Variants in UBR1 observed in about 807,000 individuals in gnomAD.
The protein encoded by UBR1 is ubiquitin protein ligase E3 component n-recognin 1, also known as E3 ubiquitin-protein ligase UBR1.
A neutral mutation model predicts 242.1 loss-of-function variants in UBR1; 102 were observed. That is an observed-to-expected ratio of 0.42 (90% CI 0.36 to 0.50). UBR1 has a LOEUF of 0.50. Ranked by LOEUF, UBR1 falls within the 20% of genes least tolerant of loss-of-function variation. The pLI is 0.01. For synonymous variants in UBR1, 675 were observed against 684.8 expected (o/e 0.99, Z 0.22); for missense variants, 1,772 against 2,101.8 (o/e 0.84, Z 3.07).
Position 42,963,931 on chromosome 15 carries a change from G to C in UBR1, c.4700+4C>G. ...CCAACAACAATATTTTATCCCCATAGTACCTCTGGAGCAAGGGCCTTACAG... is the reference window on the plus strand; with the variant it reads ...CCAACAACAATATTTTATCCCCATACTACCTCTGGAGCAAGGGCCTTACAG... On this transcript the variant is annotated splice_donor_region_variant and intron_variant, in intron 42 of 46. Transcript: ENST00000290650. 1.9e-6 allele frequency: 3 copies of C among 1,597,326 alleles called. No individual in the cohort carries two copies. The highest frequency in any genetic ancestry group is 2.6e-6 in the Non-Finnish European group (3 of 1,165,030).
chr15:43,068,365 T>C (rs1332137117), intron 5 of UBR1, among the ~76,000 whole-genome samples: 1 of 151,750 alleles, frequency 6.6e-6, no homozygotes, highest in African/African-American at 2.4e-5. Context: ...AATTTTTGTA[T>C]TTTTTGTAGA....
chr15:42,972,223 C>T (rs1444733426), intron 39 of UBR1, among the ~76,000 whole-genome samples: 1 of 152,204 alleles, frequency 6.6e-6, no homozygotes, highest in Admixed American at 6.5e-5. Flanking sequence ...AATCCTTTCA[C>T]TGACCCTATA....
intron 40 of UBR1, among the ~76,000 whole-genome samples, chr15:42,970,074 C>T (rs538359711): frequency 9.2e-5 from 14 of 152,260 alleles, no homozygotes; most frequent in South Asian, 8.3e-4. Flanking sequence ...GGAGGTATCA[C>T]GCTACCTGAC....
intron 1 of UBR1, among the ~76,000 whole-genome samples, chr15:43,091,092 C>T (rs539629548): frequency 1.3e-5 from 2 of 152,256 alleles, no homozygotes; most frequent in Non-Finnish European, 2.9e-5. Flanking sequence ...GAACGTGCCA[C>T]CACGCCTGGC....
intron 5 of UBR1, among the ~76,000 whole-genome samples, chr15:43,069,607 C>T (rs2033799042): frequency 6.6e-6 from 1 of 152,192 alleles, no homozygotes; most frequent in African/African-American, 2.4e-5. Context: ...ATGTAATATA[C>T]TTTTACAATA....
intron 33 of UBR1, among the ~76,000 whole-genome samples, chr15:42,991,747 T>C (rs536721578): frequency 2.0e-5 from 3 of 151,966 alleles, no homozygotes; most frequent in South Asian, 2.1e-4. Context: ...GTCTAGTATA[T>C]GTATTTTTGA....
At chr15:42,958,626 TA>T (rs1401627147) in intron 43 of UBR1, among the ~76,000 whole-genome samples, 2 of 152,130 alleles carry the variant, frequency 1.3e-5, no homozygotes, top group African/African-American at 4.8e-5. Context: ...ATATTAGCAT[TA>T]AGGAAACATA....
chr15:43,075,693 G>A (rs2033879770), intron 3 of UBR1, among the ~76,000 whole-genome samples: 1 of 150,246 alleles, frequency 6.7e-6, no homozygotes, highest in Non-Finnish European at 1.5e-5. Flanking sequence ...TTGGCTCACC[G>A]CAACCTCTGC....
In UBR1 at chr15:42,988,919, T is replaced by G. The variant is rs1276295045; in HGVS notation, c.3897A>C (p.Thr1299=). 1.9e-6 allele frequency: 3 copies of G among 1,611,782 alleles called. No individual in the cohort carries two copies. The highest frequency in any genetic ancestry group is 2.5e-6 in the Non-Finnish European group (3 of 1,177,828). Residue 1299 remains threonine (T), a synonymous_variant, in exon 35 of 47, where the codon ACA becomes ACC. Coordinates refer to ENST00000290650, the MANE Select transcript of UBR1 (RefSeq NM_174916.3). ...CTTTCAATCCAATTCTATAAATTGT[T>G]GTGGCAAAGAGAATAACCATTTCCT... ...SIKEMVILFA[T]TIYRIGLKVP...
chr15:43,043,311 C>G lies in UBR1; in HGVS notation c.1753G>C (p.Val585Leu). ...AAACTATGTCCACACGATTGTACTA[C>G]TGTCTTGCTACTAGATATGAAACTG... is the stretch of plus-strand genomic sequence containing the variant. ...STSFISSSKT[V>L]VQSCGHSLET... Residue 585 changes from valine (V) to leucine (L), a missense_variant, in exon 15 of 47, where the codon GTA (valine) becomes CTA (leucine). Coordinates refer to ENST00000290650, the MANE Select transcript of UBR1 (RefSeq NM_174916.3). 1 of 1,614,106 alleles carries G rather than the reference C, an allele frequency of 6.2e-7. No individual in the cohort carries two copies. Among genetic ancestry groups the G allele is most frequent in the African/African-American group, 1.3e-5 (1 of 75,014 alleles).
At chr15:43,030,089 C>T (rs777220601) in intron 20 of UBR1, 21 bp from the exon 21 acceptor site, 3 of 1,589,660 alleles carry the variant, frequency 1.9e-6, no homozygotes, top group African/African-American at 1.4e-5. Flanking sequence ...TAATTAAAAA[C>T]AAAAAAAAAG....
chr15:42,992,145 C>G (rs2032565940), intron 33 of UBR1, among the ~76,000 whole-genome samples: 1 of 152,024 alleles, frequency 6.6e-6, no homozygotes, highest in African/African-American at 2.4e-5. Context: ...TTTTTAGTTC[C>G]TATTTTTCTG....
Position 43,056,410 on chromosome 15 carries a change from A to G in UBR1, c.1215T>C (p.Ser405=). Residue 405 remains serine (S), a synonymous_variant, in exon 11 of 47, where the codon AGT becomes AGC. Transcript: ENST00000290650. The part of the protein sequence containing the change: ...YYKQLQKEYI[S]DDHDRSISIT... ...TAGAGATACTTCTGTCATGATCATC[A>G]CTGATATATTCTTTCTGCAGTTGTT... is the stretch of plus-strand genomic sequence containing the variant. 6.2e-7 allele frequency: 1 copy of G among 1,612,044 alleles called. No homozygotes were observed. The highest frequency in any genetic ancestry group is 8.5e-7 in the Non-Finnish European group (1 of 1,178,242).
chr15:42,956,680 G>T (rs904339342), intron 44 of UBR1, among the ~76,000 whole-genome samples: 1 of 152,176 alleles, frequency 6.6e-6, no homozygotes, highest in Non-Finnish European at 1.5e-5. Flanking sequence ...AGCATCCAGG[G>T]GAATGCTTAA....
At position 42,977,856 on chromosome 15, in the gene UBR1, TAAAC is replaced by T. The variant is rs2032314578; in HGVS notation, c.4218+20_4218+23del. 6.3e-7 allele frequency: 1 copy of T among 1,588,104 alleles called. No individual in the cohort carries two copies. The highest frequency in any genetic ancestry group is 8.6e-7 in the Non-Finnish European group (1 of 1,156,700). ...CAAGAAATTATCAACATGAGTGACT[TAAAC>T]AAAATTACTGAACACTTACCAAAAC... is the stretch of plus-strand genomic sequence containing the variant. On this transcript the variant is annotated intron_variant, in intron 38 of 46. Coordinates refer to ENST00000290650, the MANE Select transcript of UBR1 (RefSeq NM_174916.3).
chr15:43,055,008 T>C, intron 11 of UBR1, 109 bp from the exon 12 acceptor site: 1 of 1,264,936 alleles, frequency 7.9e-7, no homozygotes, highest in Non-Finnish European at 1.1e-6. Flanking sequence ...AAATGTTTGT[T>C]ATTGAATGTT....
chr15:42,977,936 T>C lies in UBR1; in HGVS notation c.4162A>G (p.Asn1388Asp). ...CATGGTGTATCTTCTGATTTTATGTTAGGAAGAACAACTAAAACAAACAAA... is the reference window on the plus strand; with the variant it reads ...CATGGTGTATCTTCTGATTTTATGTCAGGAAGAACAACTAAAACAAACAAA... ...LVRLLSVVLP[N>D]IKSEDTPCLL... Residue 1388 changes from asparagine to aspartate, a missense_variant, in exon 38 of 47, where the codon AAC becomes GAC. Physicochemically the swap from Asn to Asp is conservative, Grantham distance 23. Around this residue, in one of 3 missense-constraint regions of UBR1, gnomAD observed 965 missense variants for 1,079.7 expected, o/e 0.89. Coordinates refer to ENST00000290650, the MANE Select transcript of UBR1 (RefSeq NM_174916.3). 1 of 1,612,804 alleles carries C rather than the reference T, an allele frequency of 6.2e-7. No homozygotes were observed. Among genetic ancestry groups the C allele is most frequent in the South Asian group, 1.1e-5 (1 of 91,036 alleles).
chr15:43,013,312 A>T (rs2032954686), intron 29 of UBR1, among the ~76,000 whole-genome samples: 1 of 152,218 alleles, frequency 6.6e-6, no homozygotes, highest in Non-Finnish European at 1.5e-5. Flanking sequence ...AAGTAACATT[A>T]TGTCTCCTCC....
chr15:43,027,879 C>T, intron 21 of UBR1, 51 bp from the exon 22 acceptor site: 1 of 1,405,356 alleles, frequency 7.1e-7, no homozygotes, highest in Non-Finnish European at 1.0e-6. Flanking sequence ...TGACTTCCAC[C>T]TCTCTGTGAA....
Sources: gnomAD v4.1 joint callset for allele counts (sites outside exome capture counted in the v4.1 genomes callset) on GRCh38, gnomAD v4.1.1 for gene constraint, gnomAD v4.1.1 regional missense constraint, MANE v1.5 for transcripts, NCBI Gene and HGNC (gene_info 2026-07-23, HGNC 2026-07-21) for gene names.